Variants in RAD51C observed in about 807,000 individuals in gnomAD.
RAD51C encodes DNA repair protein RAD51 homolog 3.
A neutral mutation model predicts 45.0 loss-of-function variants in RAD51C; 42 were observed. The observed-to-expected ratio is 0.93, with a 90% CI of 0.73 to 1.21. RAD51C has a LOEUF of 1.21. RAD51C is among the 50% of genes most tolerant of loss of function. The pLI is 0.00. For synonymous variants in RAD51C, 172 were observed against 159.8 expected, an observed-to-expected ratio of 1.08 and a Z score of -0.58; for missense variants, 474 against 452.2, an observed-to-expected ratio of 1.05 and a Z score of -0.44.
intron 7 of RAD51C, among the ~76,000 whole-genome samples, chr17:58,724,875 G>T (rs1015972800): frequency 5.3e-5 from 8 of 152,078 alleles, no homozygotes; most frequent in African/African-American, 1.9e-4. Context: ...TGGCATGTGG[G>T]CAAAGATGGA....
intron 6 of RAD51C, among the ~76,000 whole-genome samples, chr17:58,721,765 A>AC (rs2048926165): frequency 6.6e-6 from 1 of 152,106 alleles, no homozygotes; most frequent in Non-Finnish European, 1.5e-5. Flanking sequence ...GTCTCAAAAA[A>AC]AAAAAAAATG....
chr17:58,712,077 G>A (rs181356677), intron 5 of RAD51C, among the ~76,000 whole-genome samples: 4 of 151,798 alleles, frequency 2.6e-5, no homozygotes, highest in African/African-American at 9.6e-5. Flanking sequence ...GGCCGGGCAC[G>A]GCGGCTCACA....
chr17:58,707,769 CAG>C (rs2048423780), intron 4 of RAD51C, among the ~76,000 whole-genome samples: 1 of 152,078 alleles, frequency 6.6e-6, no homozygotes, highest in African/African-American at 2.4e-5. Context: ...GCTTGAACAA[CAG>C]AAATTTTATT....
At chr17:58,734,076 T>C in intron 8 of RAD51C, 42 bp from the exon 9 acceptor site, 1 of 1,578,166 alleles carries the variant, frequency 6.3e-7, no homozygotes, top group South Asian at 1.1e-5. Context: ...AGTCTTCAAA[T>C]GTTCTTAAAG....
intron 5 of RAD51C, among the ~76,000 whole-genome samples, chr17:58,711,996 T>C (rs1375169838): frequency 2.6e-5 from 4 of 151,460 alleles, no homozygotes; most frequent in African/African-American, 9.7e-5. Context: ...AAGCCAGGAG[T>C]TTGAGACCAG....
intron 5 of RAD51C, among the ~76,000 whole-genome samples, chr17:58,719,811 C>G (rs905759847): frequency 1.7e-4 from 26 of 149,068 alleles, no homozygotes; most frequent in Non-Finnish European, 3.1e-4. Flanking sequence ...TCACTGCAGG[C>G]TCTGCTCCCC....
At chr17:58,696,008 A>G (rs966278329) in intron 2 of RAD51C, among the ~76,000 whole-genome samples, 2 of 151,848 alleles carry the variant, frequency 1.3e-5, no homozygotes, top group African/African-American at 4.8e-5. Flanking sequence ...TGGAGGTTGC[A>G]GTGAGCCGAG....
chr17:58,701,818 T>C (rs2048221251), intron 3 of RAD51C, among the ~76,000 whole-genome samples: 1 of 151,696 alleles, frequency 6.6e-6, no homozygotes, highest in Non-Finnish European at 1.5e-5. Flanking sequence ...TCCACCCAGC[T>C]TCCCAAAGTG....
In RAD51C at chr17:58,694,924, C is replaced by G. The variant is rs1428658524; in HGVS notation, c.146-7C>G. 1.9e-6 allele frequency: 3 copies of G among 1,607,512 alleles called. No individual in the cohort carries two copies. The African/African-American group carries it at 4.0e-5, about 22-fold the overall frequency. On this transcript the variant is annotated splice_region_variant and splice_polypyrimidine_tract_variant and intron_variant, in intron 1 of 8. Coordinates refer to ENST00000337432, the MANE Select transcript of RAD51C (RefSeq NM_058216.3). ...TTAGGGTTCTTTTTTTCTTATTTTA[C>G]TTTCAGAAGTTGGGATATCTAAAGC...
intron 4 of RAD51C, among the ~76,000 whole-genome samples, chr17:58,705,046 G>A (rs137924162): frequency 4.6e-5 from 7 of 151,848 alleles, no homozygotes; most frequent in African/African-American, 7.2e-5. Flanking sequence ...CAGGAGAATC[G>A]CTTGAACCTG....
intron 6 of RAD51C, among the ~76,000 whole-genome samples, chr17:58,721,676 T>C (rs1431468302): frequency 6.6e-6 from 1 of 151,942 alleles, no homozygotes; most frequent in African/African-American, 2.4e-5. Flanking sequence ...GGAGAATCGC[T>C]TGAACCTGGG....
chr17:58,703,339 A>G lies in RAD51C; in HGVS notation c.705+10A>G, dbSNP rs377586976. On this transcript the variant is annotated intron_variant, in intron 4 of 8. Transcript: ENST00000337432. ...TTCAGAACACTCAAAGGTATGAGTC[A>G]GACTACTGAAATGTAACTAACCAAG... 6.2e-6 allele frequency: 10 copies of G among 1,608,910 alleles called. No individual in the cohort carries two copies. The highest frequency in any genetic ancestry group is 2.7e-5 in the African/African-American group (2 of 74,836).
At chr17:58,732,326 G>C in intron 7 of RAD51C, 158 bp from the exon 8 acceptor site, 3 of 641,194 alleles carry the variant, frequency 4.7e-6, no homozygotes, top group Non-Finnish European at 5.3e-6. Context: ...AATTTGAAGG[G>C]TGTATTTTTA....
rs144190276 is a variant in RAD51C, at chr17:58,712,402, A to T, written c.837+2412A>T. Among the ~76,000 whole-genome samples the T allele has an allele frequency of 1.4e-3, 212 of 152,190 alleles. 1 individual carries two copies. Among genetic ancestry groups the T allele is most frequent in the African/African-American group, 5.0e-3 (208 of 41,572 alleles). The stretch of plus-strand genomic sequence containing the variant: ...TTATGTATGCTTTTTGTAAAAGAAA[A>T]AAAAAGTTCTAAACAATAAAAAATG... On this transcript the variant is annotated intron_variant, in intron 5 of 8. Transcript: ENST00000337432.
In RAD51C at chr17:58,733,172, C is replaced by T. The variant is rs948100950; in HGVS notation, c.1026+628C>T. 3.9e-5 allele frequency among the ~76,000 whole-genome samples: 6 copies of T among 152,040 alleles called. No individual in the cohort carries two copies. In the South Asian group the frequency reaches 8.3e-4, roughly 21 times the overall value. ...CTGGGATTATAGGCGTGTGCTACCACGCCTGGCTAATTTTTGTGTTTTTAG... is the reference window on the plus strand; with the variant it reads ...CTGGGATTATAGGCGTGTGCTACCATGCCTGGCTAATTTTTGTGTTTTTAG... On this transcript the variant is annotated intron_variant, in intron 8 of 8. Transcript: ENST00000337432.
chr17:58,703,629 CCTTGTGCTA>C (rs1235725557), intron 4 of RAD51C, among the ~76,000 whole-genome samples: 1 of 152,092 alleles, frequency 6.6e-6, no homozygotes, highest in African/African-American at 2.4e-5. Context: ...ATAAAAACTT[CCTTGTGCTA>C]CTGTTTTCTA....
chr17:58,710,959 C>T (rs1317569581), intron 5 of RAD51C, among the ~76,000 whole-genome samples: 1 of 152,074 alleles, frequency 6.6e-6, no homozygotes, highest in East Asian at 1.9e-4. Flanking sequence ...TTAGAGAGAC[C>T]TTAGCACATA....
intron 7 of RAD51C, among the ~76,000 whole-genome samples, chr17:58,728,406 T>C (rs1341551502): frequency 2.6e-4 from 9 of 34,554 alleles, no homozygotes; most frequent in Non-Finnish European, 4.3e-4. Context: ...TTTTTTTTCT[T>C]TTTTTTTTTG....
chr17:58,706,646 G>T, intron 4 of RAD51C: 1 of 330,052 alleles, frequency 3.0e-6, no homozygotes, highest in South Asian at 2.5e-5. Context: ...GATCCCCTTT[G>T]GCACCATTCT....
Sources: gnomAD v4.1 joint callset for allele counts (sites outside exome capture counted in the v4.1 genomes callset) on GRCh38, gnomAD v4.1.1 for gene constraint, MANE v1.5 for transcripts, NCBI Gene and HGNC (gene_info 2026-07-23, HGNC 2026-07-21) for gene names.